Variants in NDUFAF2 observed in about 807,000 individuals in gnomAD.
The protein encoded by NDUFAF2 is NADH dehydrogenase [ubiquinone] 1 alpha subcomplex assembly factor 2.
Under a neutral mutation model 22.8 loss-of-function variants are expected in NDUFAF2, and 13 were observed. That is an observed-to-expected ratio of 0.57 (90% confidence interval 0.37 to 0.91). NDUFAF2 has a LOEUF of 0.91. NDUFAF2 is among the 40% of genes least tolerant of loss of function. NDUFAF2 has a pLI of 0.01. For synonymous variants in NDUFAF2, 53 were observed against 64.2 expected (o/e 0.83, Z 0.84); for missense variants, 162 against 195.2 (o/e 0.83, Z 1.01).
intron 3 of NDUFAF2, among the ~76,000 whole-genome samples, chr5:61,129,325 A>G (rs998045541): frequency 6.6e-6 from 1 of 152,176 alleles, no homozygotes; most frequent in African/African-American, 2.4e-5. Flanking sequence ...TCATGCTACT[A>G]TAAAGACACA....
At chr5:61,089,296 C>T (rs1752539861) in intron 2 of NDUFAF2, among the ~76,000 whole-genome samples, 1 of 152,082 alleles carries the variant, frequency 6.6e-6, no homozygotes, top group African/African-American at 2.4e-5. Flanking sequence ...TCATTTCAAA[C>T]AATGTTTACA....
intron 2 of NDUFAF2, among the ~76,000 whole-genome samples, chr5:61,079,782 G>A (rs1405378785): frequency 6.6e-6 from 1 of 152,128 alleles, no homozygotes; most frequent in Non-Finnish European, 1.5e-5. Context: ...TCACCCAACT[G>A]GTACTCTGAA....
chr5:60,965,337 G>A (rs1750746313), intron 1 of NDUFAF2, among the ~76,000 whole-genome samples: 1 of 151,892 alleles, frequency 6.6e-6, no homozygotes, highest in African/African-American at 2.4e-5. Context: ...AAATCAAGCT[G>A]ATGAACATAT....
intron 1 of NDUFAF2, among the ~76,000 whole-genome samples, chr5:61,038,890 C>T (rs1751835889): frequency 6.6e-6 from 1 of 151,362 alleles, no homozygotes; most frequent in South Asian, 2.1e-4. Flanking sequence ...CTGTCATTTG[C>T]CCATTTCTCT....
intron 1 of NDUFAF2, among the ~76,000 whole-genome samples, chr5:61,017,023 G>A (rs1032284214): frequency 9.9e-5 from 15 of 152,174 alleles, no homozygotes; most frequent in Non-Finnish European, 1.6e-4. Flanking sequence ...GTCCCTTACT[G>A]TACTCGTTTT....
chr5:60,948,728 A>G (rs1200774136), intron 1 of NDUFAF2, among the ~76,000 whole-genome samples: 1 of 152,060 alleles, frequency 6.6e-6, no homozygotes, highest in Admixed American at 6.5e-5. Flanking sequence ...GGTTGTTTCT[A>G]GTTAGGGGTT....
chr5:60,973,394 A>G (rs1750862015), intron 1 of NDUFAF2, among the ~76,000 whole-genome samples: 2 of 152,026 alleles, frequency 1.3e-5, no homozygotes, highest in South Asian at 2.1e-4. Context: ...CTTGCTTTCT[A>G]TGTTGTTGTT....
intron 1 of NDUFAF2, among the ~76,000 whole-genome samples, chr5:60,986,275 G>T (rs1751074281): frequency 6.6e-6 from 1 of 152,152 alleles, no homozygotes; most frequent in Non-Finnish European, 1.5e-5. Flanking sequence ...TGGATAAAAT[G>T]TGGTACATTG....
At chr5:60,951,666 T>C (rs1473196805) in intron 1 of NDUFAF2, among the ~76,000 whole-genome samples, 2 of 152,204 alleles carry the variant, frequency 1.3e-5, no homozygotes, top group Non-Finnish European at 2.9e-5. Context: ...TTCCTTTTAA[T>C]GTGTTTTCTA....
At chr5:61,122,774 A>C (rs1057300397) in intron 3 of NDUFAF2, among the ~76,000 whole-genome samples, 1 of 152,148 alleles carries the variant, frequency 6.6e-6, no homozygotes, top group Non-Finnish European at 1.5e-5. Context: ...TGTGGCAGAC[A>C]CCTCTTGTGC....
chr5:61,036,827 A>C (rs1422032979), intron 1 of NDUFAF2, among the ~76,000 whole-genome samples: 4 of 152,162 alleles, frequency 2.6e-5, no homozygotes, highest in Non-Finnish European at 5.9e-5. Flanking sequence ...CTCTAATGTT[A>C]CTGTCCTTCT....
chr5:61,051,079 G>C (rs1366733073), intron 1 of NDUFAF2, among the ~76,000 whole-genome samples: 1 of 152,170 alleles, frequency 6.6e-6, no homozygotes, highest in Non-Finnish European at 1.5e-5. Context: ...ATATGGTACA[G>C]AGTAGCATAT....
At chr5:61,022,810 AAT>A (rs1491274277) in intron 1 of NDUFAF2, among the ~76,000 whole-genome samples, 2 of 152,144 alleles carry the variant, frequency 1.3e-5, no homozygotes, top group African/African-American at 4.8e-5. Context: ...ACACCCAGCT[AAT>A]TTTTGTATTT....
chr5:61,135,268 G>A (rs1479612723), intron 3 of NDUFAF2, among the ~76,000 whole-genome samples: 1 of 151,926 alleles, frequency 6.6e-6, no homozygotes, highest in Non-Finnish European at 1.5e-5. Flanking sequence ...AAGGAGCCAG[G>A]GCTCCTTAGA....
chr5:61,072,678 C>G (rs1266800903), intron 1 of NDUFAF2, among the ~76,000 whole-genome samples: 3 of 152,126 alleles, frequency 2.0e-5, no homozygotes, highest in African/African-American at 4.8e-5. Flanking sequence ...TTCACTGCAG[C>G]CTCTGCCTCC....
intron 3 of NDUFAF2, among the ~76,000 whole-genome samples, chr5:61,106,560 ACT>A (rs1579832861): frequency 6.6e-6 from 1 of 151,030 alleles, no homozygotes; most frequent in East Asian, 1.9e-4. Context: ...TCTTAATTAT[ACT>A]CTTTTAGTTA....
At chr5:61,031,583 G>C (rs1366377494) in intron 1 of NDUFAF2, among the ~76,000 whole-genome samples, 1 of 150,676 alleles carries the variant, frequency 6.6e-6, no homozygotes, top group Admixed American at 6.6e-5. Context: ...AGTATTCCAT[G>C]ATATATAAAA....
At chr5:61,147,223 A>G (rs1289811321) in intron 3 of NDUFAF2, among the ~76,000 whole-genome samples, 1 of 151,210 alleles carries the variant, frequency 6.6e-6, no homozygotes, top group Non-Finnish European at 1.5e-5. Context: ...AGGGCCATTA[A>G]TTGACATGTG....
chr5:61,032,961 C>G (rs7701959), intron 1 of NDUFAF2, among the ~76,000 whole-genome samples: 2,595 of 152,218 alleles, frequency 0.017, 80 homozygotes, highest in African/African-American at 0.059. Context: ...TCCACATCCT[C>G]TCCACCATCT....
Sources: allele counts gnomAD v4.1 joint callset (sites outside exome capture counted in the v4.1 genomes callset), GRCh38; gene constraint gnomAD v4.1.1; transcripts MANE v1.5; gene names NCBI Gene and HGNC (gene_info 2026-07-23, HGNC 2026-07-21).